Variants in DPM1 observed in about 807,000 individuals in gnomAD.
DPM1 encodes dolichol-phosphate mannosyltransferase subunit 1.
DPM1 carries 27 observed loss-of-function variants against 39.0 expected under a neutral mutation model. The ratio of observed to expected loss-of-function variants is 0.69; its 90% CI spans 0.51 to 0.95. The LOEUF (loss-of-function observed/expected upper bound fraction) is 0.95. Among genes scored for constraint, DPM1 ranks in the 40% least tolerant of loss-of-function variants. The pLI is 0.00. For synonymous variants in DPM1, 124 were observed against 109.0 expected, an observed-to-expected ratio of 1.14 and a Z score of -0.86; for missense variants, 307 against 315.6, an observed-to-expected ratio of 0.97 and a Z score of 0.21.
chr20:50,941,791 A>C (rs567226230), intron 6 of DPM1, among the ~76,000 whole-genome samples: 2 of 152,306 alleles, frequency 1.3e-5, no homozygotes, highest in Admixed American at 6.5e-5. Context: ...CAGTACAGTA[A>C]CTTTTGCTGA....
chr20:50,940,056 CTTTTT>C (rs1156635199), intron 7 of DPM1, among the ~76,000 whole-genome samples: 1 of 150,506 alleles, frequency 6.6e-6, no homozygotes, highest in Non-Finnish European at 1.5e-5. Context: ...CTTCATTTTT[CTTTTT>C]GACTGTCAAC....
At chr20:50,948,696 A>C in intron 2 of DPM1, 34 bp from the exon 3 acceptor site, 2 of 1,596,126 alleles carry the variant, frequency 1.3e-6, no homozygotes, top group South Asian at 1.1e-5. Context: ...TTACACACAG[A>C]AACAGAAATC....
chr20:50,942,004 TAAAG>T (rs1438172966), intron 6 of DPM1, 23 bp downstream of exon 6: 1 of 1,557,982 alleles, frequency 6.4e-7, no homozygotes, highest in African/African-American at 1.4e-5. Flanking sequence ...GTTATACTAA[TAAAG>T]AAGTTGTAAC....
chr20:50,958,487 A>ACGTCT lies in DPM1; in HGVS notation c.36_37insAGACG (p.Ser13ArgfsTer38). ...CTGCGCACTTCCAGCTCCCGCCGAG[A>ACGTCT]CCTGCGAGGACTACGACTGACTTCC... On this transcript the variant is annotated frameshift_variant, in exon 1 of 9. Coordinates refer to ENST00000371588, the MANE Select transcript of DPM1 (RefSeq NM_003859.3). LOFTEE classifies it high-confidence loss of function. The ACGTCT allele has an allele frequency of 6.2e-7, 1 of 1,613,870 alleles. No homozygotes were observed. Among genetic ancestry groups the ACGTCT allele is most frequent in the Non-Finnish European group, 8.5e-7 (1 of 1,179,998 alleles).
rs1295111586 is a variant in DPM1, at chr20:50,955,202, T to C, written c.245A>G (p.Tyr82Cys). 16 of 1,612,384 alleles carry C rather than the reference T, an allele frequency of 9.9e-6. No homozygotes were observed. The South Asian group carries it at 1.2e-4, about 12-fold the overall frequency. ...ATAACTTACAATTCTGTCTGACCCA[T>C]AGATCTTCTCCAACTGTTCAGCAAC... ...RDVAEQLEKI[Y>C]GSDRILLRPR... Residue 82 changes from tyrosine (Y) to cysteine (C), a missense_variant, in exon 2 of 9, where the codon TAT (tyrosine) becomes TGT (cysteine). Physicochemically the swap from Tyr to Cys is radical, Grantham distance 194. Transcript: ENST00000371588.
Position 50,943,662 on chromosome 20 carries a change from TA to T in DPM1, c.399-1537del, listed in dbSNP as rs1295008572. On this transcript the variant is annotated intron_variant, in intron 5 of 8. Transcript: ENST00000371588. ...CATGAGCCACTGTGCCTGGCCACAATAAACGTTTTTATAAATGTATTACTGC... is the reference window on the plus strand; with the variant it reads ...CATGAGCCACTGTGCCTGGCCACAATAACGTTTTTATAAATGTATTACTGC... 2.8e-5 allele frequency among the ~76,000 whole-genome samples: 4 copies of T among 145,408 alleles called. No individual in the cohort carries two copies. The East Asian group carries it at 8.7e-4, about 32-fold the overall frequency.
chr20:50,945,592 C>A (rs1986234410), intron 5 of DPM1, 145 bp downstream of exon 5: 1 of 816,760 alleles, frequency 1.2e-6, no homozygotes, highest in African/African-American at 1.7e-5. Context: ...AACCCTCCTA[C>A]CCTGACTTCC....
At chr20:50,937,471 G>A (rs1029592629) in intron 7 of DPM1, among the ~76,000 whole-genome samples, 1 of 151,432 alleles carries the variant, frequency 6.6e-6, no homozygotes, top group South Asian at 2.1e-4. Context: ...TTTATGTTTT[G>A]GGGTTAAGAA....
intron 7 of DPM1, among the ~76,000 whole-genome samples, chr20:50,940,405 C>CA (rs1251652235): frequency 2.0e-5 from 3 of 152,046 alleles, no homozygotes; most frequent in Non-Finnish European, 4.4e-5. Flanking sequence ...AACAGACACG[C>CA]AAAACTCAGA....
At chr20:50,955,575 AT>A (rs1384211854) in intron 1 of DPM1, among the ~76,000 whole-genome samples, 1 of 152,000 alleles carries the variant, frequency 6.6e-6, no homozygotes, top group Non-Finnish European at 1.5e-5. Flanking sequence ...TATCATATGA[AT>A]TTTTTTTGTT....
chr20:50,935,322 A>C, intron 8 of DPM1, 86 bp from the exon 9 acceptor site: 1 of 831,824 alleles, frequency 1.2e-6, no homozygotes, highest in Non-Finnish European at 2.1e-6. Flanking sequence ...CACAACAGAA[A>C]TAGGATTAGT....
chr20:50,941,340 G>A (rs146162342), intron 6 of DPM1: 24 of 97,210 alleles, frequency 2.5e-4, no homozygotes, highest in African/African-American at 8.6e-4. Flanking sequence ...ATATATATTC[G>A]TATTATATAT....
At chr20:50,938,745 G>A (rs1023556411) in intron 7 of DPM1, among the ~76,000 whole-genome samples, 8 of 150,624 alleles carry the variant, frequency 5.3e-5, no homozygotes, top group African/African-American at 1.2e-4. Flanking sequence ...TTGGGGAGGC[G>A]GAGGCAGGAG....
chr20:50,936,735 G>A (rs1299048550), intron 7 of DPM1, among the ~76,000 whole-genome samples: 2 of 152,200 alleles, frequency 1.3e-5, no homozygotes, highest in African/African-American at 4.8e-5. Context: ...GATGAGTTTT[G>A]ATTTCTCATG....
chr20:50,944,294 G>A (rs1986123840), intron 5 of DPM1: 1 of 152,118 alleles, frequency 6.6e-6, no homozygotes, highest in South Asian at 2.1e-4. Context: ...TCTTTTATTA[G>A]CCATTTGGAT....
rs762204494 is a variant in DPM1, at chr20:50,942,063, T to A, written c.462A>T (p.Val154=). The A allele has an allele frequency of 6.2e-7, 1 of 1,614,192 alleles. No homozygotes were observed. The highest frequency in any genetic ancestry group is 8.5e-7 in the Non-Finnish European group (1 of 1,180,002). ...SGTRYKGNGG[V]YGWDLKRKII... ...TTTTTCTTTTCAAATCCCAGCCATA[T>A]ACACCTCCATTTCCTTTGTAGCGAG... is the stretch of plus-strand genomic sequence containing the variant. The change falls in exon 6 of 9, where the codon GTA becomes GTT. Residue 154 remains valine, a synonymous_variant. Transcript: ENST00000371588.
At chr20:50,935,851 G>C (rs778420622) in intron 8 of DPM1, among the ~76,000 whole-genome samples, 9 of 152,122 alleles carry the variant, frequency 5.9e-5, no homozygotes, top group Non-Finnish European at 1.3e-4. Context: ...GTGACAAAAG[G>C]AAAAGAAGCA....
At chr20:50,956,275 TAAC>T (rs1986816640) in intron 1 of DPM1, among the ~76,000 whole-genome samples, 1 of 152,116 alleles carries the variant, frequency 6.6e-6, no homozygotes, top group South Asian at 2.1e-4. Context: ...ACCTACGACA[TAAC>T]ATTCCGTTTT....
chr20:50,940,621 T>C (rs1161093783), intron 7 of DPM1, among the ~76,000 whole-genome samples: 47 of 152,240 alleles, frequency 3.1e-4, no homozygotes, highest in Admixed American at 3.1e-3. Flanking sequence ...CAAAGAGCAG[T>C]TGAGCCTTAA....
Sources: gnomAD v4.1 joint callset for allele counts (sites outside exome capture counted in the v4.1 genomes callset) on GRCh38, gnomAD v4.1.1 for gene constraint, MANE v1.5 for transcripts, NCBI Gene and HGNC (gene_info 2026-07-23, HGNC 2026-07-21) for gene names.